Variants in HSP90AA1 observed in about 807,000 individuals in gnomAD.
HSP90AA1 encodes heat shock protein HSP 90-alpha.
Under a neutral mutation model 73.3 loss-of-function variants are expected in HSP90AA1, and 18 were observed. The observed-to-expected ratio is 0.25, with a 90% CI of 0.17 to 0.36. The LOEUF is 0.36. Ranked by LOEUF, HSP90AA1 falls within the 10% of genes least tolerant of loss-of-function variation. The pLI, the probability that HSP90AA1 is intolerant of heterozygous loss-of-function variation, is 1.00. For missense variants in HSP90AA1, 704 were observed against 874.2 expected (o/e 0.81, Z 2.45); for synonymous variants, 477 against 296.9 (o/e 1.61, Z -6.24).
At chr14:102,131,164 G>A (rs530195823) in intron 1 of HSP90AA1, among the ~76,000 whole-genome samples, 17 of 152,256 alleles carry the variant, frequency 1.1e-4, no homozygotes, top group Non-Finnish European at 2.2e-4. Flanking sequence ...TGTGAAAAAC[G>A]GAATTCCTGA....
intron 2 of HSP90AA1, among the ~76,000 whole-genome samples, chr14:102,092,740 A>G (rs2049374603): frequency 6.6e-6 from 1 of 152,110 alleles, no homozygotes. Flanking sequence ...ATTGTACTTT[A>G]AACATGTGCA....
intron 1 of HSP90AA1, among the ~76,000 whole-genome samples, chr14:102,137,461 G>A (rs2050017941): frequency 6.6e-6 from 1 of 151,572 alleles, no homozygotes; most frequent in Non-Finnish European, 1.5e-5. Context: ...GAGCAGCTGG[G>A]ATTACAGGCA....
chr14:102,139,722 C>G (rs866468682), upstream of HSP90AA1: 1 of 790,354 alleles, frequency 1.3e-6, no homozygotes, highest in Non-Finnish European at 2.0e-6. Context: ...TCGGGTGGAG[C>G]ACGCCAGGTG....
rs368373235 is a variant in HSP90AA1, at chr14:102,084,500, A to C, written c.1046T>G (p.Phe349Cys). 6.2e-7 allele frequency: 1 copy of C among 1,614,064 alleles called. No homozygotes were observed. The highest frequency in any genetic ancestry group is 8.5e-7 in the Non-Finnish European group (1 of 1,179,984). The change falls in exon 6 of 11, where the codon TTT (phenylalanine) becomes TGT (cysteine). Residue 349 changes from phenylalanine to cysteine, a missense_variant. Transcript: ENST00000216281. ...ALLFVPRRAP[F>C]DLFENRKKKN... ...TTTCTTTCTGTTTTCAAACAGATCAAAAGGAGCACGTCGTGGGACAAATAG... is the reference window on the plus strand; with the variant it reads ...TTTCTTTCTGTTTTCAAACAGATCACAAGGAGCACGTCGTGGGACAAATAG...
upstream of HSP90AA1, among the ~76,000 whole-genome samples, chr14:102,089,665 T>C (rs544831979): frequency 3.3e-5 from 5 of 152,126 alleles, no homozygotes; most frequent in African/African-American, 1.2e-4. Flanking sequence ...AGGACTCAGC[T>C]CCAGACCTGG....
chr14:102,104,823 ATGT>A (rs1367410143), intron 1 of HSP90AA1, among the ~76,000 whole-genome samples: 3 of 151,766 alleles, frequency 2.0e-5, no homozygotes, highest in Non-Finnish European at 4.4e-5. Context: ...GAGTGAGAAC[ATGT>A]TGTATTTGTC....
intron 1 of HSP90AA1, among the ~76,000 whole-genome samples, chr14:102,127,598 G>A (rs1050080426): frequency 6.6e-6 from 1 of 152,138 alleles, no homozygotes; most frequent in Non-Finnish European, 1.5e-5. Flanking sequence ...ACTCTTTCAA[G>A]GCTGGGACTG....
At chr14:102,118,441 A>G (rs1402718242) in intron 1 of HSP90AA1, among the ~76,000 whole-genome samples, 1 of 151,474 alleles carries the variant, frequency 6.6e-6, no homozygotes, top group Non-Finnish European at 1.5e-5. Context: ...GATGGGGTCT[A>G]TGTTGCCCAG....
intron 2 of HSP90AA1, among the ~76,000 whole-genome samples, chr14:102,096,567 C>G (rs2049427757): frequency 6.6e-6 from 1 of 152,322 alleles, no homozygotes; most frequent in East Asian, 1.9e-4. Context: ...CCTGCTCTGG[C>G]CAAATTCACT....
intron 1 of HSP90AA1, among the ~76,000 whole-genome samples, chr14:102,138,854 G>C (rs1380207383): frequency 1.3e-5 from 2 of 152,082 alleles, no homozygotes; most frequent in Non-Finnish European, 2.9e-5. Context: ...ACTTTGACAC[G>C]TGTGCCCGTC....
upstream of HSP90AA1, among the ~76,000 whole-genome samples, chr14:102,087,951 CTTTT>C (rs71116878): frequency 5.4e-5 from 5 of 92,992 alleles, no homozygotes; most frequent in African/African-American, 2.2e-4. Context: ...TTTTTTTTTT[CTTTT>C]TTTTTTTTTT....
chr14:102,134,302 G>T (rs1022820797), intron 1 of HSP90AA1, among the ~76,000 whole-genome samples: 1 of 134,642 alleles, frequency 7.4e-6, no homozygotes, highest in African/African-American at 2.8e-5. Context: ...AAACCTGGGC[G>T]ACAGAGCAAG....
upstream of HSP90AA1, among the ~76,000 whole-genome samples, chr14:102,090,679 T>C (rs1309371179): frequency 1.3e-5 from 2 of 152,162 alleles, no homozygotes; most frequent in East Asian, 3.9e-4. Context: ...TCTTGATCTC[T>C]TGACCTTGTG....
At chr14:102,104,505 G>A (rs2049536831) in intron 1 of HSP90AA1, among the ~76,000 whole-genome samples, 1 of 152,032 alleles carries the variant, frequency 6.6e-6, no homozygotes, top group African/African-American at 2.4e-5. Flanking sequence ...GAGCCACTGC[G>A]CCCGGCCTAC....
At chr14:102,134,758 A>C (rs1414874805) in intron 1 of HSP90AA1, among the ~76,000 whole-genome samples, 2 of 152,194 alleles carry the variant, frequency 1.3e-5, no homozygotes, top group Non-Finnish European at 2.9e-5. Flanking sequence ...GTGGACCCAA[A>C]GAGTGAGCAG....
chr14:102,085,846 T>C lies in HSP90AA1; in HGVS notation c.441A>G (p.Lys147=). 1.2e-6 allele frequency: 2 copies of C among 1,613,988 alleles called. No homozygotes were observed. Among genetic ancestry groups the C allele is most frequent in the Non-Finnish European group, 1.7e-6 (2 of 1,179,860 alleles). ...GFYSAYLVAE[K]VTVITKHNDD... ...CGTTATGTTTGGTGATCACAGTTACTTTCTCAGCAACCAAATAAGCAGAAT... is the reference window on the plus strand; with the variant it reads ...CGTTATGTTTGGTGATCACAGTTACCTTCTCAGCAACCAAATAAGCAGAAT... The change falls in exon 3 of 11, where the codon AAA becomes AAG. Residue 147 remains lysine, a synonymous_variant. Transcript: ENST00000216281.
chr14:102,084,659 G>A (rs2049179860), intron 5 of HSP90AA1, 22 bp downstream of exon 5: 3 of 1,613,892 alleles, frequency 1.9e-6, no homozygotes, highest in Non-Finnish European at 2.5e-6. Context: ...GGACAAGCTT[G>A]AAGCACCCAT....
Position 102,081,515 on chromosome 14 carries a change from A to T in HSP90AA1, c.*197T>A. On this transcript the variant is annotated 3_prime_UTR_variant, in exon 11 of 11. Coordinates refer to ENST00000216281, the MANE Select transcript of HSP90AA1 (RefSeq NM_005348.4). ...AAATAAACCAACATGAAACTCAAAA[A>T]GCATTACTAGCTCTGCTTTAGTGCC... 1.7e-6 allele frequency: 1 copy of T among 603,736 alleles called. No individual in the cohort carries two copies. The allele number at this position is 603,736 out of a possible 1,614,324, so 37.4% of individuals were successfully genotyped here.
At chr14:102,086,423 A>G (rs977388551) in intron 1 of HSP90AA1, 45 bp from the exon 2 acceptor site, 1 of 1,607,868 alleles carries the variant, frequency 6.2e-7, no homozygotes, top group Non-Finnish European at 8.5e-7. Flanking sequence ...GGACGTCTAC[A>G]GAGGCAACAC....
Sources: allele counts gnomAD v4.1 joint callset (sites outside exome capture counted in the v4.1 genomes callset), GRCh38; gene constraint gnomAD v4.1.1; transcripts MANE v1.5; gene names NCBI Gene and HGNC (gene_info 2026-07-23, HGNC 2026-07-21).